The following TCF7L1 variants were observed in gnomAD, a reference collection of about 807,000 sequenced individuals.
The protein encoded by TCF7L1 is transcription factor 7-like 1.
In TCF7L1, 18 loss-of-function variants were observed where a neutral mutation model predicts 63.7. That is an observed-to-expected ratio of 0.28 (90% CI 0.20 to 0.42). The LOEUF is 0.42. TCF7L1 is among the 10% of genes least tolerant of loss of function. The pLI is 1.00. For missense variants in TCF7L1, 654 were observed against 779.3 expected, an observed-to-expected ratio of 0.84 and a Z score of 1.91; for synonymous variants, 355 against 340.9, an observed-to-expected ratio of 1.04 and a Z score of -0.46.
At chr2:85,273,580 G>A (rs928962665) in intron 3 of TCF7L1, among the ~76,000 whole-genome samples, 24 of 152,218 alleles carry the variant, frequency 1.6e-4, no homozygotes, top group Admixed American at 6.5e-5. Context: ...TCAACTGGGA[G>A]AAATTTAATA....
intron 3 of TCF7L1, among the ~76,000 whole-genome samples, chr2:85,154,568 C>T (rs572224386): frequency 3.3e-5 from 5 of 152,180 alleles, no homozygotes; most frequent in African/African-American, 1.2e-4. Context: ...GCGTAAGTCT[C>T]ACCTCATACT....
At chr2:85,287,195 T>C (rs1258071755) in intron 4 of TCF7L1, among the ~76,000 whole-genome samples, 1 of 152,184 alleles carries the variant, frequency 6.6e-6, no homozygotes, top group Non-Finnish European at 1.5e-5. Flanking sequence ...TCCTGCTTTT[T>C]TGCAACACAG....
At chr2:85,292,673 C>A (rs1189151303) in intron 4 of TCF7L1, among the ~76,000 whole-genome samples, 1 of 152,134 alleles carries the variant, frequency 6.6e-6, no homozygotes, top group Non-Finnish European at 1.5e-5. Flanking sequence ...ACCTCCTGGG[C>A]TCAAGTGATC....
intron 3 of TCF7L1, among the ~76,000 whole-genome samples, chr2:85,227,764 G>A (rs551959495): frequency 3.0e-4 from 45 of 152,178 alleles, no homozygotes; most frequent in Admixed American, 2.7e-3. Flanking sequence ...GCGGCCCAAG[G>A]TGGGAGGATC....
chr2:85,147,534 G>A (rs1446288809), intron 3 of TCF7L1, among the ~76,000 whole-genome samples: 1 of 152,022 alleles, frequency 6.6e-6, no homozygotes, highest in Non-Finnish European at 1.5e-5. Context: ...GGGGTCCAAG[G>A]GGATTCCAGA....
Position 85,163,101 on chromosome 2 carries a change from G to C in TCF7L1, c.441+28651G>C, listed in dbSNP as rs1678327934. ...GTAGGGTCCAGTGGCTCTCAACCCT[G>C]GCTGCACATTTGAATCATCTGGGGA... On this transcript the variant is annotated intron_variant, in intron 3 of 11. Coordinates refer to ENST00000282111, the MANE Select transcript of TCF7L1 (RefSeq NM_031283.3). Among the ~76,000 whole-genome samples the C allele has an allele frequency of 3.3e-5, 5 of 152,226 alleles. No homozygotes were observed. In the South Asian group the frequency reaches 1.0e-3, roughly 32 times the overall value.
chr2:85,234,131 CTTTTTTTT>C (rs35508338), intron 3 of TCF7L1, among the ~76,000 whole-genome samples: 2 of 65,238 alleles, frequency 3.1e-5, no homozygotes, highest in Non-Finnish European at 5.6e-5. Flanking sequence ...TTTTTCTTTT[CTTTTTTTT>C]TTTTTTTTTT....
chr2:85,230,516 G>T (rs1680052835), intron 3 of TCF7L1, among the ~76,000 whole-genome samples: 1 of 152,100 alleles, frequency 6.6e-6, no homozygotes, highest in African/African-American at 2.4e-5. Flanking sequence ...TGAATTTTTA[G>T]TAGAGATGGG....
chr2:85,308,444 T>TCCCC (rs1491556133), intron 11 of TCF7L1, among the ~76,000 whole-genome samples: 2 of 36,178 alleles, frequency 5.5e-5, no homozygotes, highest in African/African-American at 2.5e-4. Flanking sequence ...TCCCTCCCTT[T>TCCCC]CTCTTTCCCT....
intron 3 of TCF7L1, among the ~76,000 whole-genome samples, chr2:85,137,696 CA>C (rs952298824): frequency 3.9e-5 from 6 of 152,058 alleles, no homozygotes; most frequent in African/African-American, 9.7e-5. Flanking sequence ...AGTTCGAGAC[CA>C]GCCTGGCCAA....
intron 3 of TCF7L1, among the ~76,000 whole-genome samples, chr2:85,170,877 G>C (rs578177038): frequency 3.3e-4 from 50 of 152,266 alleles, no homozygotes; most frequent in African/African-American, 1.1e-3. Flanking sequence ...AATTTCCTTG[G>C]ATTTTCCTGC....
chr2:85,235,895 C>T (rs1031899251), intron 3 of TCF7L1, among the ~76,000 whole-genome samples: 63 of 152,216 alleles, frequency 4.1e-4, no homozygotes, highest in African/African-American at 1.3e-3. Flanking sequence ...TACTGTGGCT[C>T]ATGATTGTAA....
chr2:85,144,749 G>GTGTT (rs767439897), intron 3 of TCF7L1, among the ~76,000 whole-genome samples: 7,299 of 146,960 alleles, frequency 0.05, 565 homozygotes, highest in African/African-American at 0.17. Context: ...GTGTGTGTGT[G>GTGTT]TATGTGTGTG....
intron 3 of TCF7L1, among the ~76,000 whole-genome samples, chr2:85,197,228 C>T (rs749825504): frequency 7.2e-5 from 11 of 152,112 alleles, no homozygotes; most frequent in East Asian, 1.9e-4. Flanking sequence ...CTGGCCGACA[C>T]GGTGAAACCC....
chr2:85,148,129 C>T (rs879313203), intron 3 of TCF7L1, among the ~76,000 whole-genome samples: 2 of 152,034 alleles, frequency 1.3e-5, no homozygotes, highest in South Asian at 4.1e-4. Flanking sequence ...GAGAGTGAGA[C>T]GCTGGTGCTG....
chr2:85,256,274 G>A (rs1289366594), intron 3 of TCF7L1, among the ~76,000 whole-genome samples: 1 of 151,014 alleles, frequency 6.6e-6, no homozygotes, highest in African/African-American at 2.4e-5. Context: ...TGTGTTCTCT[G>A]CAGCCACAGC....
intron 3 of TCF7L1, among the ~76,000 whole-genome samples, chr2:85,261,641 C>T (rs1680859060): frequency 6.6e-6 from 1 of 152,150 alleles, no homozygotes; most frequent in Non-Finnish European, 1.5e-5. Context: ...CCTGTAATCC[C>T]AGCACTTTGG....
intron 3 of TCF7L1, among the ~76,000 whole-genome samples, chr2:85,218,829 A>G (rs1679774159): frequency 6.6e-6 from 1 of 152,162 alleles, no homozygotes; most frequent in African/African-American, 2.4e-5. Flanking sequence ...AGAAGTAATA[A>G]TATAAAAGGA....
chr2:85,249,407 T>C (rs1680541553), intron 3 of TCF7L1, among the ~76,000 whole-genome samples: 2 of 152,256 alleles, frequency 1.3e-5, no homozygotes, highest in Admixed American at 1.3e-4. Context: ...TTTTCCCTAG[T>C]TGTTCAGCTG....
Sources: gnomAD v4.1 joint callset for allele counts (sites outside exome capture counted in the v4.1 genomes callset) on GRCh38, gnomAD v4.1.1 for gene constraint, MANE v1.5 for transcripts, NCBI Gene and HGNC (gene_info 2026-07-23, HGNC 2026-07-21) for gene names.